The following MYO10 variants were observed in gnomAD, a reference collection of about 807,000 sequenced individuals.
The protein encoded by MYO10 is unconventional myosin-X.
A neutral mutation model predicts 257.3 loss-of-function variants in MYO10; 133 were observed. That is an observed-to-expected ratio of 0.52 (90% CI 0.45 to 0.60). The LOEUF is 0.60. MYO10 is among the 20% of genes least tolerant of loss of function. The pLI, the probability that MYO10 is intolerant of heterozygous loss-of-function variation, is 0.00. For missense variants in MYO10, 2,399 were observed against 2,635.7 expected (o/e 0.91, Z 1.97); for synonymous variants, 1,104 against 1,028.6 (o/e 1.07, Z -1.40).
chr5:16,877,015 TC>T (rs1744623184), intron 2 of MYO10, among the ~76,000 whole-genome samples: 1 of 152,068 alleles, frequency 6.6e-6, no homozygotes, highest in Non-Finnish European at 1.5e-5. Flanking sequence ...AACTCCCCCT[TC>T]TACAATGTGA....
At chr5:16,788,503 G>T (rs1403108451) in intron 4 of MYO10, among the ~76,000 whole-genome samples, 1 of 152,178 alleles carries the variant, frequency 6.6e-6, no homozygotes, top group East Asian at 1.9e-4. Flanking sequence ...GCTACTGGCT[G>T]AGAATAGGAG....
At chr5:16,725,078 C>CTTT (rs34100971) in intron 19 of MYO10, among the ~76,000 whole-genome samples, 1,779 of 74,966 alleles carry the variant, frequency 0.024, 208 homozygotes, top group Middle Eastern at 0.043. Flanking sequence ...CCTTCTTCTT[C>CTTT]TTTTTTTTTT....
chr5:16,702,553 C>T lies in MYO10; in HGVS notation c.2546G>A (p.Arg849His), dbSNP rs1162286968. The T allele has an allele frequency of 5.7e-6, 9 of 1,591,336 alleles. No homozygotes were observed. Among genetic ancestry groups the T allele is most frequent in the Middle Eastern group, 1.7e-4 (1 of 6,056 alleles). Residue 849 changes from arginine (R) to histidine (H), a missense_variant, in exon 24 of 41, where the codon CGC (arginine) becomes CAC (histidine). Physicochemically the swap from Arg to His is conservative, Grantham distance 29. Around this residue, in one of 3 missense-constraint regions of MYO10, gnomAD observed 1,820 missense variants for 1,939.4 expected, o/e 0.94. Transcript: ENST00000513610. ...CACTGCACTCATTACCTGCTGGGCG[C>T]GGAGCTCGGCTTCTCTTCGCTCTCT... Reference protein sequence around the residue: ...RERERREAELRAQQEEETRKQ... With the variant: ...RERERREAELHAQQEEETRKQ...
chr5:16,724,861 C>A (rs927373970), intron 19 of MYO10, among the ~76,000 whole-genome samples: 1 of 152,146 alleles, frequency 6.6e-6, no homozygotes, highest in Non-Finnish European at 1.5e-5. Context: ...GAAGACCATT[C>A]GTACTAGTTT....
At chr5:16,718,322 G>C (rs1303582531) in intron 19 of MYO10, among the ~76,000 whole-genome samples, 1 of 152,244 alleles carries the variant, frequency 6.6e-6, no homozygotes, top group Non-Finnish European at 1.5e-5. Context: ...GACCACCTAA[G>C]GGCTAAGGAA....
At chr5:16,917,947 A>G (rs1279590085) in intron 1 of MYO10, among the ~76,000 whole-genome samples, 1 of 152,222 alleles carries the variant, frequency 6.6e-6, no homozygotes, top group Non-Finnish European at 1.5e-5. Context: ...ACAACAAAGA[A>G]TATTTCTGCT....
chr5:16,741,588 T>C (rs1001467374), intron 19 of MYO10, among the ~76,000 whole-genome samples: 1 of 152,206 alleles, frequency 6.6e-6, no homozygotes, highest in Non-Finnish European at 1.5e-5. Flanking sequence ...CCTTAACTGA[T>C]CAGTGAATTG....
intron 9 of MYO10, among the ~76,000 whole-genome samples, chr5:16,772,768 T>G (rs1463156299): frequency 6.6e-6 from 1 of 152,098 alleles, no homozygotes; most frequent in African/African-American, 2.4e-5. Context: ...AAAAAAGCAG[T>G]GAATAGTGAT....
chr5:16,675,156 A>G lies in MYO10; in HGVS notation c.4667-6T>C. The G allele has an allele frequency of 6.2e-7, 1 of 1,612,622 alleles. No individual in the cohort carries two copies. The highest frequency in any genetic ancestry group is 8.5e-7 in the Non-Finnish European group (1 of 1,179,844). The stretch of plus-strand genomic sequence containing the variant: ...ATAGCCTTTGTCTTTGAGCACTAGG[A>G]CAAGCAAAACAAACACGGAACTCAT... On this transcript the variant is annotated splice_region_variant and splice_polypyrimidine_tract_variant and intron_variant, in intron 34 of 40. Transcript: ENST00000513610.
At chr5:16,834,099 C>G (rs1195619445) in intron 2 of MYO10, among the ~76,000 whole-genome samples, 1 of 152,090 alleles carries the variant, frequency 6.6e-6, no homozygotes, top group Non-Finnish European at 1.5e-5. Flanking sequence ...AGGGTTAACT[C>G]TCCTGGGGTC....
At chr5:16,669,455 T>C (rs965206372) in intron 39 of MYO10, among the ~76,000 whole-genome samples, 4 of 152,120 alleles carry the variant, frequency 2.6e-5, no homozygotes, top group Admixed American at 6.5e-5. Flanking sequence ...CCGCCCGCCT[T>C]GGCCTCCCAA....
At chr5:16,917,794 G>A (rs1282867216) in intron 1 of MYO10, among the ~76,000 whole-genome samples, 1 of 151,968 alleles carries the variant, frequency 6.6e-6, no homozygotes, top group Non-Finnish European at 1.5e-5. Context: ...AGAATCTCTT[G>A]AGCCCAGGAG....
intron 2 of MYO10, among the ~76,000 whole-genome samples, chr5:16,869,398 G>A (rs1744384352): frequency 6.6e-6 from 1 of 151,740 alleles, no homozygotes; most frequent in Admixed American, 6.6e-5. Flanking sequence ...ACCAGCCTGG[G>A]TAACACAGTA....
chr5:16,716,947 C>T (rs939934642), intron 19 of MYO10, among the ~76,000 whole-genome samples: 1 of 152,126 alleles, frequency 6.6e-6, no homozygotes, highest in Non-Finnish European at 1.5e-5. Flanking sequence ...AATTCTCCTG[C>T]CTGAGCCTCC....
chr5:16,674,016 AC>A, intron 35 of MYO10, 127 bp from the exon 36 acceptor site: 1 of 754,620 alleles, frequency 1.3e-6, no homozygotes, highest in Non-Finnish European at 2.2e-6. Flanking sequence ...TGGAGCAAGC[AC>A]CAGTGACTTC....
At chr5:16,935,541 C>T (rs1297701982) in intron 1 of MYO10, among the ~76,000 whole-genome samples, 5 of 152,088 alleles carry the variant, frequency 3.3e-5, no homozygotes, top group Non-Finnish European at 7.4e-5. Context: ...AGCCAGCCAC[C>T]CACGCAAACG....
intron 5 of MYO10, 59 bp downstream of exon 5, chr5:16,783,275 TA>T: frequency 6.9e-7 from 1 of 1,452,794 alleles, no homozygotes. Context: ...CTTCTTTAAA[TA>T]AGCCATACCA....
chr5:16,847,349 G>C (rs1481903940), intron 2 of MYO10, among the ~76,000 whole-genome samples: 1 of 149,864 alleles, frequency 6.7e-6, no homozygotes, highest in Non-Finnish European at 1.5e-5. Flanking sequence ...GTGTGAACTC[G>C]GGAGGCAGAG....
chr5:16,743,501 G>A (rs1452746500), intron 19 of MYO10, among the ~76,000 whole-genome samples: 2 of 152,084 alleles, frequency 1.3e-5, no homozygotes, highest in African/African-American at 2.4e-5. Context: ...AAATCGGCCA[G>A]GCGTGGCAGT....
Sources: gnomAD v4.1 joint callset for allele counts (sites outside exome capture counted in the v4.1 genomes callset) on GRCh38, gnomAD v4.1.1 for gene constraint, gnomAD v4.1.1 regional missense constraint, MANE v1.5 for transcripts, NCBI Gene and HGNC (gene_info 2026-07-23, HGNC 2026-07-21) for gene names.